Variants in CLUL1 observed in about 807,000 individuals in gnomAD.
The protein encoded by CLUL1 is clusterin-like protein 1.
In CLUL1, 43 loss-of-function variants were observed where a neutral mutation model predicts 49.4. That is an observed-to-expected ratio of 0.87 (90% CI 0.68 to 1.12). CLUL1 has a LOEUF of 1.12. Among genes scored for constraint, CLUL1 ranks in the 50% most tolerant of loss-of-function variants. The pLI, the probability that CLUL1 is intolerant of heterozygous loss-of-function variation, is 0.00. For missense variants in CLUL1, 486 were observed against 544.4 expected (o/e 0.89, Z 1.07); for synonymous variants, 192 against 184.9 (o/e 1.04, Z -0.31).
In CLUL1 at chr18:625,077, C is replaced by G. The variant is rs771792992; in HGVS notation, c.423+45C>G. On this transcript the variant is annotated intron_variant, in intron 5 of 9. Transcript: ENST00000692774. ...CAAGATTTCACAGTTCTTGAGGCAC[C>G]TATTTCAGCTTACTTTTTTATTAAT... 6.1e-5 allele frequency: 95 copies of G among 1,563,982 alleles called. 1 individual carries two copies. The South Asian group carries it at 1.0e-3, about 17-fold the overall frequency.
At chr18:623,243 G>A (rs558994399) in intron 4 of CLUL1, among the ~76,000 whole-genome samples, 14 of 152,070 alleles carry the variant, frequency 9.2e-5, no homozygotes, top group Non-Finnish European at 1.9e-4. Flanking sequence ...ATGTTGGCCA[G>A]GCTGTTCTCA....
At chr18:613,504 G>C (rs1008857442) in intron 2 of CLUL1, among the ~76,000 whole-genome samples, 1 of 150,202 alleles carries the variant, frequency 6.7e-6, no homozygotes, top group African/African-American at 2.5e-5. Flanking sequence ...GCCCAGGCTG[G>C]AGTGCAGTGA....
chr18:633,273 C>A, intron 6 of CLUL1, 25 bp from the exon 7 acceptor site: 1 of 1,582,004 alleles, frequency 6.3e-7, no homozygotes, highest in Middle Eastern at 1.7e-4. Flanking sequence ...ATGACACTAA[C>A]GTGTAAATGT....
chr18:647,388 C>T (rs7244515), intron 9 of CLUL1, among the ~76,000 whole-genome samples: 19,461 of 152,072 alleles, frequency 0.13, 1,508 homozygotes, highest in East Asian at 0.26. Flanking sequence ...GCAACCAAGA[C>T]CAGCTCAGCT....
Position 618,037 on chromosome 18 carries a change from C to T in CLUL1, c.37C>T (p.Leu13=), listed in dbSNP as rs1048147099. ...PPLLVFIVCL[L]WLKDSHCAPT... ...ACTCTTGGTGTTTATTGTGTGTCTG[C>T]TGTGGTTGAAAGACAGTCACTGCGC... is the stretch of plus-strand genomic sequence containing the variant. The change falls in exon 3 of 10, where the codon CTG becomes TTG. Residue 13 remains leucine, a synonymous_variant. Coordinates refer to ENST00000692774, the MANE Select transcript of CLUL1 (RefSeq NM_001393344.1). This position sits in a 1 kb window ranked among gnomAD's most constrained non-coding sequence, Gnocchi z 4.2. 3.5e-5 allele frequency: 57 copies of T among 1,614,106 alleles called. No individual in the cohort carries two copies. The highest frequency in any genetic ancestry group is 4.7e-5 in the Non-Finnish European group (55 of 1,180,016).
intron 2 of CLUL1, among the ~76,000 whole-genome samples, chr18:615,161 T>C (rs1322097957): frequency 3.9e-5 from 6 of 152,218 alleles, no homozygotes; most frequent in African/African-American, 7.2e-5. Flanking sequence ...AGCATAATGA[T>C]GTCATAATTA....
At chr18:609,707 C>G (rs8093370) in intron 2 of CLUL1, among the ~76,000 whole-genome samples, 4,940 of 151,842 alleles carry the variant, frequency 0.033, 269 homozygotes, top group African/African-American at 0.11. Flanking sequence ...GCTTGTAATC[C>G]CAGCTACTCG....
rs373093110 is a variant in CLUL1 at position 644,997 on chromosome 18, A to G, written c.1297A>G (p.Thr433Ala). The G allele has an allele frequency of 1.2e-6, 2 of 1,613,722 alleles. No individual in the cohort carries two copies. The highest frequency in any genetic ancestry group is 1.7e-6 in the Non-Finnish European group (2 of 1,179,668). The change falls in exon 9 of 10, where the codon ACA becomes GCA. Residue 433 changes from threonine (T) to alanine (A), a missense_variant. Physicochemically the swap from Thr to Ala is moderately conservative, Grantham distance 58 (BLOSUM62 0). Coordinates refer to ENST00000692774, the MANE Select transcript of CLUL1 (RefSeq NM_001393344.1). ...DLSILPSSNF[T>A]LKIPLEESAE... is the part of the protein sequence containing the mutation. Reference sequence around the variant, plus strand: ...AAGCATTCTGCCTTCCTCTAATTTCACACTCAAGATCCCTCTTGAAGAAAG... The same window carrying G: ...AAGCATTCTGCCTTCCTCTAATTTCGCACTCAAGATCCCTCTTGAAGAAAG...
At chr18:645,912 A>G (rs1208720938) in intron 9 of CLUL1, among the ~76,000 whole-genome samples, 2 of 146,122 alleles carry the variant, frequency 1.4e-5, no homozygotes, top group African/African-American at 5.0e-5. Flanking sequence ...ATGACTAAAT[A>G]CACTCAATAC....
chr18:627,412 G>T lies in CLUL1; in HGVS notation c.739G>T (p.Asp247Tyr), dbSNP rs757232437. ...MTKADLEQCW[D>Y]IPNFFQLFCN... ...AAAAGCAGATCTTGAGCAATGTTGG[G>T]ACATTCCCAACTTCTTCCAGCTGTT... The change falls in exon 6 of 10, where the codon GAC (aspartate) becomes TAC (tyrosine). Residue 247 changes from aspartate (D) to tyrosine (Y), a missense_variant. Transcript: ENST00000692774. 13 of 1,614,008 alleles carry T rather than the reference G, an allele frequency of 8.1e-6. No individual in the cohort carries two copies. The Admixed American group carries it at 2.2e-4, about 27-fold the overall frequency.
chr18:616,661 A>G lies in CLUL1; in HGVS notation c.-13-1327A>G, dbSNP rs1239495615. On this transcript the variant is annotated intron_variant, in intron 2 of 9. Coordinates refer to ENST00000692774, the MANE Select transcript of CLUL1 (RefSeq NM_001393344.1). ...AACACTGTGTCATCAAACTGATAGG[A>G]CACAGCTAAATCCCTGACACGGATG... 4 of 884,208 alleles carry G rather than the reference A, an allele frequency of 4.5e-6. No homozygotes were observed. In the African/African-American group the frequency reaches 7.2e-5, roughly 16 times the overall value. The allele number at this position is 884,208 out of a possible 1,614,324, so 54.8% of individuals were successfully genotyped here.
intron 1 of CLUL1, 67 bp downstream of exon 1, chr18:597,196 G>A (rs895588054): frequency 1.3e-5 from 2 of 152,912 alleles, no homozygotes; most frequent in Non-Finnish European, 2.9e-5. Flanking sequence ...CGGAGAGCCA[G>A]AGAAAGCCGC....
chr18:633,829 AATGAATCAGGGCGGAGCGTGTAATCG>A (rs1157080609), intron 7 of CLUL1, among the ~76,000 whole-genome samples: 5 of 116,096 alleles, frequency 4.3e-5, no homozygotes, highest in South Asian at 3.0e-4. Flanking sequence ...GTGTAATCGG[AATGAATCAGGGCGGAGCGTGTAATCG>A]GAATGAATCA....
At chr18:625,333 T>C (rs2073650802) in intron 5 of CLUL1, among the ~76,000 whole-genome samples, 1 of 152,146 alleles carries the variant, frequency 6.6e-6, no homozygotes, top group Non-Finnish European at 1.5e-5. Context: ...GCAGGGATCA[T>C]ATCTTATTTG....
chr18:639,351 A>C (rs1247795704), intron 7 of CLUL1, among the ~76,000 whole-genome samples: 2 of 149,010 alleles, frequency 1.3e-5, no homozygotes, highest in Non-Finnish European at 3.0e-5. Context: ...GAATTGTTTG[A>C]ACCCAGGAGG....
At chr18:640,173 C>A (rs1016746785) in intron 7 of CLUL1, among the ~76,000 whole-genome samples, 33 of 152,000 alleles carry the variant, frequency 2.2e-4, no homozygotes, top group African/African-American at 6.5e-4. Flanking sequence ...TTTGGGTGGA[C>A]CCCTTAGACA....
chr18:600,956 CA>C (rs1444300736), intron 1 of CLUL1, among the ~76,000 whole-genome samples: 1 of 152,178 alleles, frequency 6.6e-6, no homozygotes, highest in Non-Finnish European at 1.5e-5. Context: ...GGCTGAGGGA[CA>C]ATGGGTACTA....
chr18:625,842 A>ATGAATGTT (rs11281615), intron 5 of CLUL1, among the ~76,000 whole-genome samples: 1 of 152,188 alleles, frequency 6.6e-6, no homozygotes, highest in African/African-American at 2.4e-5. Context: ...AAAGGGAGCA[A>ATGAATGTT]CTACTAAGAT....
At chr18:599,653 C>G (rs2072763695) in intron 1 of CLUL1, among the ~76,000 whole-genome samples, 1 of 152,056 alleles carries the variant, frequency 6.6e-6, no homozygotes, top group African/African-American at 2.4e-5. Context: ...TAATAATTGG[C>G]CAGGTGCGGT....
Sources: allele counts gnomAD v4.1 joint callset (sites outside exome capture counted in the v4.1 genomes callset), GRCh38; gene constraint gnomAD v4.1.1; non-coding constraint Gnocchi (gnomAD v3.1); transcripts MANE v1.5; gene names NCBI Gene and HGNC (gene_info 2026-07-23, HGNC 2026-07-21).